The following RBP7 variants were observed in gnomAD, a reference collection of about 807,000 sequenced individuals.
RBP7 encodes retinol binding protein 7.
Under a neutral mutation model 16.7 loss-of-function variants are expected in RBP7, and 13 were observed. The observed-to-expected ratio is 0.78, with a 90% CI of 0.51 to 1.24. RBP7 has a LOEUF of 1.24. Ranked by LOEUF, RBP7 falls within the 50% of genes most tolerant of loss-of-function variation. RBP7 has a pLI of 0.00. For synonymous variants in RBP7, 54 were observed against 56.2 expected (o/e 0.96, Z 0.17); for missense variants, 145 against 159.5 (o/e 0.91, Z 0.49).
intron 1 of RBP7, among the ~76,000 whole-genome samples, chr1:10,006,766 G>C (rs61782885): frequency 7.1e-6 from 1 of 141,722 alleles, no homozygotes; most frequent in East Asian, 2.1e-4. Flanking sequence ...TATATATATA[G>C]AGAGAGAGAG....
At position 9,997,328 on chromosome 1, in the gene RBP7, C is replaced by G; in HGVS notation, c.70C>G (p.Leu24Val). The G allele has an allele frequency of 6.2e-7, 1 of 1,610,802 alleles. No homozygotes were observed. Among genetic ancestry groups the G allele is most frequent in the South Asian group, 1.1e-5 (1 of 90,810 alleles). Residue 24 changes from leucine to valine, a missense_variant, in exon 1 of 4, where the codon CTA becomes GTA. Leu to Val is a conservative substitution (Grantham distance 32). Coordinates refer to ENST00000294435, the MANE Select transcript of RBP7 (RefSeq NM_052960.3). This position sits in a 1 kb window ranked among gnomAD's most constrained non-coding sequence, Gnocchi z 5.9. Reference sequence around the variant, plus strand: ...CAACTTCGAGGGCTACATGCTGGCCCTAGGTAAGGCGGAGGGGAGGCGGCG... The same window carrying G: ...CAACTTCGAGGGCTACATGCTGGCCGTAGGTAAGGCGGAGGGGAGGCGGCG... ...SDNFEGYMLALGIDFATRKIA... is the reference protein window; with the variant it reads ...SDNFEGYMLAVGIDFATRKIA...
chr1:10,013,217 C>T (rs900533510), intron 3 of RBP7, among the ~76,000 whole-genome samples: 97 of 151,754 alleles, frequency 6.4e-4, no homozygotes, highest in Admixed American at 8.5e-4. Flanking sequence ...GGATTACAGG[C>T]GCCCGCTACC....
At chr1:10,013,766 C>T (rs140539420) in intron 3 of RBP7, among the ~76,000 whole-genome samples, 3,089 of 151,860 alleles carry the variant, frequency 0.02, 96 homozygotes, top group African/African-American at 0.069. Context: ...GCCGAGATCG[C>T]GCCATTGCAC....
chr1:9,998,280 C>T (rs1318412277), intron 1 of RBP7, among the ~76,000 whole-genome samples: 1 of 152,144 alleles, frequency 6.6e-6, no homozygotes, highest in Non-Finnish European at 1.5e-5. Flanking sequence ...GTGTGAGCCA[C>T]GCGCCCTGCC....
At chr1:10,007,161 G>T in intron 1 of RBP7, 1 of 308,656 alleles carries the variant, frequency 3.2e-6, no homozygotes, top group East Asian at 1.2e-4. Context: ...GATCAGGCTG[G>T]TCTCAAACTC....
Position 10,001,437 on chromosome 1 carries a change from C to A in RBP7, c.73+4106C>A, listed in dbSNP as rs12564681. Among the ~76,000 whole-genome samples the A allele has an allele frequency of 3.6e-4, 55 of 152,262 alleles. 1 individual carries two copies. The East Asian group carries it at 6.6e-3, about 18-fold the overall frequency. ...CCTCCCACCTCAGCCTTCCAAGTAG[C>A]TGGGACAACAGGTGCATACCACCAC... On this transcript the variant is annotated intron_variant, in intron 1 of 3. Coordinates refer to ENST00000294435, the MANE Select transcript of RBP7 (RefSeq NM_052960.3).
rs936141700 is a variant in RBP7 at position 10,000,956 on chromosome 1, G to A, written c.73+3625G>A. Among the ~76,000 whole-genome samples, 9 of 152,166 alleles carry A rather than the reference G, an allele frequency of 5.9e-5. No homozygotes were observed. In the South Asian group the frequency reaches 1.5e-3, roughly 25 times the overall value. On this transcript the variant is annotated intron_variant, in intron 1 of 3. Transcript: ENST00000294435. Reference sequence around the variant, plus strand: ...TTACCATCTTGGCCAGGCTGGTCTTGAACTCCTGACCTCGTGATCCACCCG... The same window carrying A: ...TTACCATCTTGGCCAGGCTGGTCTTAAACTCCTGACCTCGTGATCCACCCG...
chr1:10,001,809 G>GTTTGTTTA (rs1642285679), intron 1 of RBP7, among the ~76,000 whole-genome samples: 1 of 145,566 alleles, frequency 6.9e-6, no homozygotes, highest in African/African-American at 2.5e-5. Context: ...AATTTAATTA[G>GTTTGTTTA]TTTATTTATT....
Position 10,008,274 on chromosome 1 carries a change from G to C in RBP7, c.354G>C (p.Leu118=). Residue 118 remains leucine (L), a splice_region_variant and synonymous_variant, in exon 3 of 4, where the codon CTG becomes CTC. Transcript: ENST00000294435. The part of the protein sequence containing the change: ...THWIEGDKLH[L]EMFCEGQVCK... ...GGATCGAAGGAGACAAACTCCACCT[G>C]GTATCCACCACATTTTGTTCTTAAT... is the stretch of plus-strand genomic sequence containing the variant. 6.3e-7 allele frequency: 1 copy of C among 1,584,064 alleles called. No individual in the cohort carries two copies. Among genetic ancestry groups the C allele is most frequent in the Non-Finnish European group, 8.7e-7 (1 of 1,153,290 alleles).
chr1:9,998,164 G>T (rs1003482307), intron 1 of RBP7, among the ~76,000 whole-genome samples: 7 of 151,766 alleles, frequency 4.6e-5, no homozygotes, highest in African/African-American at 1.7e-4. Flanking sequence ...GGCTAATTTT[G>T]TACTTTTAGT....
At chr1:10,011,574 G>C (rs1347094480) in intron 3 of RBP7, among the ~76,000 whole-genome samples, 1 of 152,178 alleles carries the variant, frequency 6.6e-6, no homozygotes, top group Non-Finnish European at 1.5e-5. Context: ...ATACAGGTCT[G>C]ACAAGAATGT....
chr1:10,004,594 C>CCAACTCCCGACCTCA (rs1642378398), intron 1 of RBP7, among the ~76,000 whole-genome samples: 5 of 152,038 alleles, frequency 3.3e-5, no homozygotes, highest in Admixed American at 2.0e-4. Flanking sequence ...AGGCTGGTCG[C>CCAACTCCCGACCTCA]GTTGGTCTGC....
chr1:10,015,742 C>G (rs763053816), intron 3 of RBP7, 40 bp from the exon 4 acceptor site: 1 of 1,577,522 alleles, frequency 6.3e-7, no homozygotes, highest in African/African-American at 1.3e-5. Flanking sequence ...AGACCACATG[C>G]AAACTGATCC....
At chr1:10,011,611 C>T (rs1642622777) in intron 3 of RBP7, among the ~76,000 whole-genome samples, 1 of 152,132 alleles carries the variant, frequency 6.6e-6, no homozygotes, top group Non-Finnish European at 1.5e-5. Context: ...GCTTTTTTGC[C>T]TCACTGTATG....
intron 3 of RBP7, 113 bp from the exon 4 acceptor site, chr1:10,015,669 G>A (rs1642756159): frequency 4.3e-6 from 4 of 932,062 alleles, no homozygotes; most frequent in African/African-American, 1.6e-5. Context: ...TCTCATAAAA[G>A]AAAAAAACAT....
chr1:9,997,439 C>G lies in RBP7; in HGVS notation c.73+108C>G. On this transcript the variant is annotated intron_variant, in intron 1 of 3. Coordinates refer to ENST00000294435, the MANE Select transcript of RBP7 (RefSeq NM_052960.3). The surrounding 1 kb of genome is among the most constrained non-coding windows in gnomAD (Gnocchi z 5.9). ...GGTACGTCCTCTGTCCGTGCCTCCG[C>G]CCTGCTGCGCCCACCGTCGCCCAGT... is the stretch of plus-strand genomic sequence containing the variant. The G allele has an allele frequency of 9.7e-7, 1 of 1,026,100 alleles. No homozygotes were observed. Among genetic ancestry groups the G allele is most frequent in the Non-Finnish European group, 1.4e-6 (1 of 692,564 alleles). The allele number at this position is 1,026,100 out of a possible 1,614,324, so 63.6% of individuals were successfully genotyped here. A position where few individuals can be genotyped will look rare whatever the true frequency, so the allele number is the denominator to read the frequency against.
chr1:10,014,263 C>T (rs1326540620), intron 3 of RBP7, among the ~76,000 whole-genome samples: 3 of 152,116 alleles, frequency 2.0e-5, no homozygotes, highest in African/African-American at 4.8e-5. Flanking sequence ...CCATGTTGAA[C>T]GGTGAACATT....
At chr1:10,001,932 A>G (rs534238616) in intron 1 of RBP7, among the ~76,000 whole-genome samples, 1 of 151,982 alleles carries the variant, frequency 6.6e-6, no homozygotes, top group East Asian at 1.9e-4. Flanking sequence ...GGGTTCAAGC[A>G]ATTCTCCTGC....
In RBP7 at chr1:9,997,274, A is replaced by C. The variant is rs767022135; in HGVS notation, c.16A>C (p.Ser6Arg). 38 of 1,601,770 alleles carry C rather than the reference A, an allele frequency of 2.4e-5. No homozygotes were observed. The highest frequency in any genetic ancestry group is 1.7e-4 in the Middle Eastern group (1 of 6,008). The change falls in exon 1 of 4, where the codon AGC (serine) becomes CGC (arginine). Residue 6 changes from serine (S) to arginine (R), a missense_variant. Transcript: ENST00000294435. The surrounding 1 kb of genome is among the most constrained non-coding windows in gnomAD (Gnocchi z 5.9). ...ATCCCCGACCATGCCCGCCGACCTC[A>C]GCGGTACTTGGACCCTGCTCAGCAG... Reference protein sequence around the residue: MPADLSGTWTLLSSDN... With the variant: MPADLRGTWTLLSSDN...
Sources: allele counts gnomAD v4.1 joint callset (sites outside exome capture counted in the v4.1 genomes callset), GRCh38; gene constraint gnomAD v4.1.1; non-coding constraint Gnocchi (gnomAD v3.1); transcripts MANE v1.5; gene names NCBI Gene and HGNC (gene_info 2026-07-23, HGNC 2026-07-21).